Variants in LPO observed in about 807,000 individuals in gnomAD.
The protein encoded by LPO is lactoperoxidase.
LPO carries 70 observed loss-of-function variants against 68.4 expected under a neutral mutation model. That is an observed-to-expected ratio of 1.02 (90% CI 0.84 to 1.25). The LOEUF (loss-of-function observed/expected upper bound fraction) is 1.25, where lower values mean the gene tolerates loss of function less well. Ranked by LOEUF, LPO falls within the 50% of genes most tolerant of loss-of-function variation. LPO has a pLI of 0.00. For synonymous variants in LPO, 360 were observed against 357.6 expected (o/e 1.01, Z -0.08); for missense variants, 873 against 908.4 (o/e 0.96, Z 0.50).
At chr17:58,251,673 C>A in intron 7 of LPO, 1 of 354,924 alleles carries the variant, frequency 2.8e-6, no homozygotes, top group South Asian at 2.2e-5. Context: ...TCTTTCCCTT[C>A]CAGTGTATAA....
Position 58,267,965 on chromosome 17 carries a change from C to T in LPO, c.2110C>T (p.Leu704=). 2 of 1,614,028 alleles carry T rather than the reference C, an allele frequency of 1.2e-6. No individual in the cohort carries two copies. Among genetic ancestry groups the T allele is most frequent in the Non-Finnish European group, 1.7e-6 (2 of 1,180,032 alleles). Reference sequence around the variant, plus strand: ...TTGCTCAGCCATCGACAAGCTGGACCTGTCACCCTGGGCCTCAGTGAAGAA... The same window carrying T: ...TTGCTCAGCCATCGACAAGCTGGACTTGTCACCCTGGGCCTCAGTGAAGAA... ...VDCSAIDKLD[L]SPWASVKN is the part of the protein sequence containing the mutation. Residue 704 remains leucine, a synonymous_variant, in exon 13 of 13, where the codon CTG becomes TTG. Transcript: ENST00000262290.
intron 11 of LPO, 67 bp downstream of exon 11, chr17:58,266,393 C>T: frequency 2.0e-6 from 3 of 1,515,428 alleles, no homozygotes; most frequent in Non-Finnish European, 2.7e-6. Context: ...CCTGGAGACT[C>T]TCTTCTATAA....
chr17:58,243,024 C>T lies in LPO; in HGVS notation c.45C>T (p.Ile15=). ...LHLPALLASL[I]LLQAAASTTR... The stretch of plus-strand genomic sequence containing the variant: ...TCCCAGCCCTCCTGGCTTCCCTCAT[C>T]TTGCTTCAGGCTGCAGCATCTACCA... The change falls in exon 2 of 13, where the codon ATC becomes ATT. Residue 15 remains isoleucine (I), a synonymous_variant. Coordinates refer to ENST00000262290, the MANE Select transcript of LPO (RefSeq NM_006151.3). 1 of 1,614,124 alleles carries T rather than the reference C, an allele frequency of 6.2e-7. No individual in the cohort carries two copies. Among genetic ancestry groups the T allele is most frequent in the South Asian group, 1.1e-5 (1 of 91,078 alleles).
chr17:58,249,341 T>C, intron 5 of LPO, 164 bp downstream of exon 5: 1 of 888,224 alleles, frequency 1.1e-6, no homozygotes, highest in South Asian at 1.7e-5. Flanking sequence ...TCTCCAGCCC[T>C]CTCCCTCCAG....
At chr17:58,258,516 C>T (rs939380461) in intron 9 of LPO, among the ~76,000 whole-genome samples, 1 of 152,128 alleles carries the variant, frequency 6.6e-6, no homozygotes, top group Non-Finnish European at 1.5e-5. Flanking sequence ...TGTTTCTATG[C>T]CAGTACCATG....
At chr17:58,241,840 G>A (rs1969765445) in intron 1 of LPO, among the ~76,000 whole-genome samples, 1 of 152,196 alleles carries the variant, frequency 6.6e-6, no homozygotes, top group African/African-American at 2.4e-5. Context: ...CATATACAGA[G>A]GTCTCCTGGT....
chr17:58,243,850 T>C, intron 2 of LPO, 144 bp from the exon 3 acceptor site: 4 of 635,112 alleles, frequency 6.3e-6, no homozygotes, highest in East Asian at 2.7e-5. Context: ...AGGACTCTTA[T>C]GAAACTTTCC....
At chr17:58,250,806 A>C in intron 7 of LPO, 185 bp downstream of exon 7, 1 of 622,946 alleles carries the variant, frequency 1.6e-6, no homozygotes, top group Non-Finnish European at 2.8e-6. Flanking sequence ...ACCACCCCAT[A>C]CCAGGCAGTG....
At chr17:58,242,941 A>T in intron 1 of LPO, 37 bp from the exon 2 acceptor site, 1 of 1,591,226 alleles carries the variant, frequency 6.3e-7, no homozygotes, top group Non-Finnish European at 8.6e-7. Context: ...CTTGGTCTCT[A>T]GAGAGGCTCA....
In LPO at chr17:58,250,472, C is replaced by G; in HGVS notation, c.631C>G (p.Gln211Glu). ...TCTGAATGAGGAGGGTGTTCTGGAC[C>G]AAAACAGGTCCCTGCTCTTCATGCA... ...GYLNEEGVLD[Q>E]NRSLLFMQWG... Residue 211 changes from glutamine to glutamate, a missense_variant, in exon 7 of 13, where the codon CAA becomes GAA. Coordinates refer to ENST00000262290, the MANE Select transcript of LPO (RefSeq NM_006151.3). 6.2e-7 allele frequency: 1 copy of G among 1,614,114 alleles called. No individual in the cohort carries two copies. The highest frequency in any genetic ancestry group is 8.5e-7 in the Non-Finnish European group (1 of 1,180,016).
chr17:58,266,028 C>A (rs1970256279), intron 10 of LPO, 125 bp from the exon 11 acceptor site: 4 of 868,072 alleles, frequency 4.6e-6, no homozygotes, highest in Non-Finnish European at 7.1e-6. Flanking sequence ...CTCCTTCCAG[C>A]CTGGGATGTC....
chr17:58,251,025 T>A (rs1265821042), intron 7 of LPO: 1 of 220,348 alleles, frequency 4.5e-6, no homozygotes, highest in African/African-American at 2.3e-5. Flanking sequence ...ATGCCTATAA[T>A]CCCAGCACTT....
intron 6 of LPO, 33 bp downstream of exon 6, chr17:58,249,728 G>A (rs764054113): frequency 6.5e-7 from 1 of 1,536,508 alleles, no homozygotes; most frequent in Non-Finnish European, 8.7e-7. Context: ...TGAAGGATGG[G>A]AGCCAGAGGG....
chr17:58,248,043 CT>C (rs8178322), intron 4 of LPO, among the ~76,000 whole-genome samples: 3,660 of 152,254 alleles, frequency 0.024, 139 homozygotes, highest in African/African-American at 0.083. Flanking sequence ...GGGGGATTTA[CT>C]TGGGATAATG....
chr17:58,262,267 T>G (rs1970188824), intron 9 of LPO, among the ~76,000 whole-genome samples: 1 of 152,222 alleles, frequency 6.6e-6, no homozygotes, highest in Non-Finnish European at 1.5e-5. Context: ...TGAAGAATCG[T>G]TCCACCAGCT....
In LPO at chr17:58,244,098, C is replaced by A; in HGVS notation, c.164+17C>A. The stretch of plus-strand genomic sequence containing the variant: ...CCGAACCAGGTACGTGAGACACACA[C>A]ACACACACACACACACACACACACA... On this transcript the variant is annotated intron_variant, in intron 3 of 12. Transcript: ENST00000262290. The A allele has an allele frequency of 9.7e-7, 1 of 1,029,410 alleles. No homozygotes were observed. The allele number at this position is 1,029,410 out of a possible 1,614,324, so 63.8% of individuals were successfully genotyped here. A position where few individuals can be genotyped will look rare whatever the true frequency, so the allele number is the denominator to read the frequency against.
At chr17:58,256,826 CAA>C (rs969464308) in intron 9 of LPO, among the ~76,000 whole-genome samples, 32 of 74,528 alleles carry the variant, frequency 4.3e-4, no homozygotes, top group East Asian at 4.3e-4. Context: ...GACTCCCTTT[CAA>C]AAAAAAAAAA....
intron 2 of LPO, 53 bp from the exon 3 acceptor site, chr17:58,243,941 G>C: frequency 8.5e-7 from 1 of 1,181,802 alleles, no homozygotes; most frequent in African/African-American, 1.5e-5. Flanking sequence ...AGAAGACATC[G>C]CAAAGGAGTG....
intron 9 of LPO, 122 bp downstream of exon 9, chr17:58,255,093 C>T: frequency 1.1e-6 from 1 of 918,552 alleles, no homozygotes. Context: ...TTCCCCCGGC[C>T]CCTCTGCTGC....
Sources: gnomAD v4.1 joint callset for allele counts (sites outside exome capture counted in the v4.1 genomes callset) on GRCh38, gnomAD v4.1.1 for gene constraint, MANE v1.5 for transcripts, NCBI Gene and HGNC (gene_info 2026-07-23, HGNC 2026-07-21) for gene names.